The following RSRC1 variants were observed in gnomAD, a reference collection of about 807,000 sequenced individuals.
RSRC1 encodes the protein arginine and serine rich coiled-coil 1.
A neutral mutation model predicts 49.1 loss-of-function variants in RSRC1; 39 were observed. That is an observed-to-expected ratio of 0.79 (90% CI 0.61 to 1.04). The LOEUF (loss-of-function observed/expected upper bound fraction) is 1.04, where lower values mean the gene tolerates loss of function less well. Among genes scored for constraint, RSRC1 ranks in the 50% least tolerant of loss-of-function variants. RSRC1 has a pLI of 0.00. For synonymous variants in RSRC1, 143 were observed against 130.8 expected (o/e 1.09, Z -0.63); for missense variants, 388 against 402.4 (o/e 0.96, Z 0.31).
intron 4 of RSRC1, among the ~76,000 whole-genome samples, chr3:158,208,336 G>A (rs971365888): frequency 1.5e-4 from 23 of 151,920 alleles, no homozygotes; most frequent in Middle Eastern, 3.2e-3. Flanking sequence ...TGGCTACTCC[G>A]TAGTCAGAGC....
chr3:158,503,493 G>A (rs887716498), intron 7 of RSRC1, among the ~76,000 whole-genome samples: 1 of 152,106 alleles, frequency 6.6e-6, no homozygotes, highest in Non-Finnish European at 1.5e-5. Flanking sequence ...AGTGGGTAGG[G>A]AAGGACCATC....
intron 3 of RSRC1, among the ~76,000 whole-genome samples, chr3:158,193,811 C>T (rs1022867791): frequency 1.3e-5 from 2 of 151,934 alleles, no homozygotes; most frequent in African/African-American, 2.4e-5. Context: ...GAAAGATGCT[C>T]ATGTCAAAAT....
intron 4 of RSRC1, among the ~76,000 whole-genome samples, chr3:158,267,627 G>A (rs1340770382): frequency 1.3e-5 from 2 of 151,060 alleles, no homozygotes; most frequent in African/African-American, 2.4e-5. Flanking sequence ...TCTTTCTTGA[G>A]CCCATTTCAT....
chr3:158,508,696 G>T (rs1022169341), intron 7 of RSRC1, among the ~76,000 whole-genome samples: 1 of 152,074 alleles, frequency 6.6e-6, no homozygotes, highest in Non-Finnish European at 1.5e-5. Flanking sequence ...CCATCTCTTT[G>T]TCCAGTGTAT....
At chr3:158,337,374 G>A (rs1729972137) in intron 5 of RSRC1, among the ~76,000 whole-genome samples, 1 of 152,150 alleles carries the variant, frequency 6.6e-6, no homozygotes, top group South Asian at 2.1e-4. Context: ...CAAAGCATGG[G>A]GTAAGAGAGT....
At chr3:158,326,758 A>G (rs1437305566) in intron 5 of RSRC1, among the ~76,000 whole-genome samples, 4 of 152,192 alleles carry the variant, frequency 2.6e-5, no homozygotes, top group African/African-American at 9.7e-5. Context: ...TGAGTTAGGG[A>G]GGATTCCCTC....
chr3:158,325,122 A>G (rs528270480), intron 5 of RSRC1, among the ~76,000 whole-genome samples: 14 of 152,056 alleles, frequency 9.2e-5, no homozygotes, highest in African/African-American at 1.7e-4. Flanking sequence ...TAGATTCTGG[A>G]TATTAGCCCT....
intron 4 of RSRC1, among the ~76,000 whole-genome samples, chr3:158,274,389 G>C (rs1310779677): frequency 6.8e-6 from 1 of 146,820 alleles, no homozygotes; most frequent in Admixed American, 6.8e-5. Flanking sequence ...TTTCTTTTTA[G>C]TTTAATAGAC....
chr3:158,328,899 C>T (rs929327818), intron 5 of RSRC1, among the ~76,000 whole-genome samples: 3 of 152,190 alleles, frequency 2.0e-5, no homozygotes, highest in Non-Finnish European at 4.4e-5. Flanking sequence ...TTTGTCTTTT[C>T]ACATAGTCCC....
At chr3:158,337,566 C>T (rs1486435084) in intron 5 of RSRC1, among the ~76,000 whole-genome samples, 1 of 152,180 alleles carries the variant, frequency 6.6e-6, no homozygotes, top group Non-Finnish European at 1.5e-5. Flanking sequence ...CCAGAATAGG[C>T]ATTGCTGGAG....
intron 6 of RSRC1, among the ~76,000 whole-genome samples, chr3:158,442,214 A>G (rs1736414719): frequency 6.6e-6 from 1 of 152,094 alleles, no homozygotes; most frequent in Non-Finnish European, 1.5e-5. Flanking sequence ...TTAAAATAAG[A>G]CAGTGAAGTT....
intron 4 of RSRC1, chr3:158,276,210 C>T (rs377444245): frequency 9.5e-5 from 75 of 791,766 alleles, no homozygotes; most frequent in Middle Eastern, 6.9e-4. Flanking sequence ...TGGGCATTTT[C>T]GGCCACCATG....
chr3:158,252,444 C>T (rs578098926), intron 4 of RSRC1, among the ~76,000 whole-genome samples: 38 of 152,258 alleles, frequency 2.5e-4, no homozygotes, highest in African/African-American at 8.4e-4. Flanking sequence ...GGATTACAGG[C>T]GTAAGCCACC....
intron 5 of RSRC1, among the ~76,000 whole-genome samples, chr3:158,311,715 C>T (rs964326885): frequency 2.6e-5 from 4 of 151,864 alleles, no homozygotes; most frequent in Non-Finnish European, 4.4e-5. Context: ...ATCTTAAATA[C>T]TCTTACCACA....
At chr3:158,258,757 C>T (rs1578254002) in intron 4 of RSRC1, among the ~76,000 whole-genome samples, 1 of 151,894 alleles carries the variant, frequency 6.6e-6, no homozygotes, top group Non-Finnish European at 1.5e-5. Flanking sequence ...CTTTTGTCTC[C>T]TCTGACCGTG....
chr3:158,416,150 T>C (rs565504570), intron 6 of RSRC1, among the ~76,000 whole-genome samples: 18 of 151,842 alleles, frequency 1.2e-4, no homozygotes, highest in African/African-American at 4.3e-4. Context: ...ATAAATCGAT[T>C]TCCTTCATTT....
At chr3:158,288,764 T>C (rs1477107139) in intron 4 of RSRC1, among the ~76,000 whole-genome samples, 2 of 151,644 alleles carry the variant, frequency 1.3e-5, no homozygotes, top group African/African-American at 4.9e-5. Flanking sequence ...GTGGTTGTTT[T>C]ACAGTATTGT....
chr3:158,343,994 A>G (rs1254289552), intron 5 of RSRC1, among the ~76,000 whole-genome samples: 1 of 152,154 alleles, frequency 6.6e-6, no homozygotes, highest in African/African-American at 2.4e-5. Context: ...AAGATGAATG[A>G]GGCTGGGTAC....
chr3:158,229,452 A>ACG (rs1170926969), intron 4 of RSRC1, among the ~76,000 whole-genome samples: 1 of 150,280 alleles, frequency 6.7e-6, no homozygotes, highest in Admixed American at 6.6e-5. Context: ...ACACACGTAT[A>ACG]TGTGTATGTA....
Sources: gnomAD v4.1 joint callset for allele counts (sites outside exome capture counted in the v4.1 genomes callset) on GRCh38, gnomAD v4.1.1 for gene constraint, MANE v1.5 for transcripts, NCBI Gene and HGNC (gene_info 2026-07-23, HGNC 2026-07-21) for gene names.